Variants in WDPCP observed in about 807,000 individuals in gnomAD.
The protein encoded by WDPCP is WD repeat containing planar cell polarity effector.
Under a neutral mutation model 93.1 loss-of-function variants are expected in WDPCP, and 71 were observed. The ratio of observed to expected loss-of-function variants is 0.76; its 90% CI spans 0.63 to 0.93. The LOEUF is 0.93. Among genes scored for constraint, WDPCP ranks in the 40% least tolerant of loss-of-function variants. WDPCP has a pLI of 0.00. For missense variants in WDPCP, 844 were observed against 887.4 expected, an observed-to-expected ratio of 0.95 and a Z score of 0.62; for synonymous variants, 315 against 315.0, an observed-to-expected ratio of 1.00 and a Z score of 0.00.
intron 14 of WDPCP, among the ~76,000 whole-genome samples, chr2:63,253,347 A>G (rs968177556): frequency 2.0e-5 from 3 of 152,128 alleles, no homozygotes; most frequent in Non-Finnish European, 2.9e-5. Context: ...ATGATTAAGT[A>G]AGTCCTCAAA....
intron 10 of WDPCP, among the ~76,000 whole-genome samples, chr2:63,382,473 T>C (rs1181688609): frequency 6.6e-6 from 1 of 152,174 alleles, no homozygotes; most frequent in African/African-American, 2.4e-5. Context: ...GCTTGTTTTA[T>C]GTAATTTTTT....
intron 1 of WDPCP, among the ~76,000 whole-genome samples, chr2:63,543,915 A>G (rs942416531): frequency 6.6e-6 from 1 of 151,928 alleles, no homozygotes; most frequent in Non-Finnish European, 1.5e-5. Flanking sequence ...TTGTTGTCGT[A>G]TTTTCTTTTA....
chr2:63,290,588 T>G (rs1422954616), intron 13 of WDPCP, among the ~76,000 whole-genome samples: 1 of 152,140 alleles, frequency 6.6e-6, no homozygotes, highest in African/African-American at 2.4e-5. Flanking sequence ...CCTTCAGCTT[T>G]TCTAGTAGTG....
Position 63,404,630 on chromosome 2 carries a change from C to A in WDPCP, c.853G>T (p.Asp285Tyr). Reference protein sequence around the residue: ...EVLSSVRTEWDPLDVRFGTKQ... With the variant: ...EVLSSVRTEWYPLDVRFGTKQ... ...GTGCCAAAGCGAACATCCAGTGGGT[C>A]CCATTCTGTGCGGACAGAACTCAGA... Residue 285 changes from aspartate (D) to tyrosine (Y), a missense_variant, in exon 10 of 18, where the codon GAC (aspartate) becomes TAC (tyrosine). Coordinates refer to ENST00000272321, the MANE Select transcript of WDPCP (RefSeq NM_015910.7). 1 of 1,614,050 alleles carries A rather than the reference C, an allele frequency of 6.2e-7. No homozygotes were observed. The highest frequency in any genetic ancestry group is 8.5e-7 in the Non-Finnish European group (1 of 1,179,956).
intron 13 of WDPCP, among the ~76,000 whole-genome samples, chr2:63,278,192 T>C (rs1269147377): frequency 6.6e-6 from 1 of 152,178 alleles, no homozygotes; most frequent in African/African-American, 2.4e-5. Flanking sequence ...AAGATGGAAA[T>C]TTAAAAATTC....
At chr2:63,826,525 T>C (rs1248341780) in intron 1 of WDPCP, among the ~76,000 whole-genome samples, 1 of 152,282 alleles carries the variant, frequency 6.6e-6, no homozygotes, top group East Asian at 1.9e-4. Context: ...ACAGACACAC[T>C]AGTGGTGTAA....
At chr2:63,127,694 T>TATATATAC (rs1444625178) in intron 17 of WDPCP, among the ~76,000 whole-genome samples, 2 of 130,918 alleles carry the variant, frequency 1.5e-5, no homozygotes, top group Non-Finnish European at 3.3e-5. Flanking sequence ...TATATATATA[T>TATATATAC]ACGCACACAC....
At chr2:63,547,617 T>C (rs1345167400) in intron 1 of WDPCP, among the ~76,000 whole-genome samples, 1 of 151,424 alleles carries the variant, frequency 6.6e-6, no homozygotes, top group African/African-American at 2.4e-5. Flanking sequence ...TATTCAGCCA[T>C]TATAAAGAAC....
upstream of WDPCP, chr2:63,589,204 C>T (rs969172483): frequency 6.3e-6 from 10 of 1,587,518 alleles, no homozygotes; most frequent in Non-Finnish European, 8.6e-6. Flanking sequence ...GCCGCAGTGA[C>T]CCAGTAATGG....
chr2:63,544,481 T>G (rs1558784575), intron 1 of WDPCP, among the ~76,000 whole-genome samples: 2 of 152,184 alleles, frequency 1.3e-5, no homozygotes, highest in Admixed American at 1.3e-4. Flanking sequence ...TTCAAATGTG[T>G]TCAAACTGAT....
At chr2:63,256,547 A>G (rs1406997342) in intron 14 of WDPCP, among the ~76,000 whole-genome samples, 1 of 150,756 alleles carries the variant, frequency 6.6e-6, no homozygotes, top group Non-Finnish European at 1.5e-5. Context: ...AGTAGCTACT[A>G]AGGCTGCATA....
intron 3 of WDPCP, chr2:63,642,337 G>A (rs916654276): frequency 6.6e-6 from 1 of 151,838 alleles, no homozygotes; most frequent in African/African-American, 2.4e-5. Flanking sequence ...TGTTGTTTCT[G>A]TTTTTGCGAA....
chr2:63,829,414 G>A (rs1671161139), upstream of WDPCP, among the ~76,000 whole-genome samples: 1 of 151,982 alleles, frequency 6.6e-6, no homozygotes, highest in Non-Finnish European at 1.5e-5. Context: ...CGCACGCACT[G>A]CACTGCCACT....
intron 14 of WDPCP, among the ~76,000 whole-genome samples, chr2:63,224,233 A>T (rs1678082455): frequency 6.6e-6 from 1 of 152,076 alleles, no homozygotes; most frequent in African/African-American, 2.4e-5. Flanking sequence ...GCCAAAATCT[A>T]GCACACTCAT....
intron 6 of WDPCP, among the ~76,000 whole-genome samples, chr2:63,478,643 A>G (rs1376492186): frequency 6.6e-6 from 1 of 152,066 alleles, no homozygotes; most frequent in African/African-American, 2.4e-5. Context: ...CATAATAGTG[A>G]CTCAGCCTAT....
intron 9 of WDPCP, among the ~76,000 whole-genome samples, chr2:63,429,537 G>T (rs1696568521): frequency 6.6e-6 from 1 of 151,990 alleles, no homozygotes; most frequent in Admixed American, 6.6e-5. Flanking sequence ...CAAAGGACAT[G>T]AATTTCTCAA....
intron 17 of WDPCP, among the ~76,000 whole-genome samples, chr2:63,125,891 G>A (rs1158046430): frequency 4.7e-5 from 7 of 149,946 alleles, no homozygotes; most frequent in South Asian, 4.2e-4. Context: ...GATTACAGGC[G>A]TGAGCCACCT....
At chr2:63,134,247 T>C (rs1157875330) in intron 17 of WDPCP, among the ~76,000 whole-genome samples, 1 of 152,230 alleles carries the variant, frequency 6.6e-6, no homozygotes, top group Non-Finnish European at 1.5e-5. Context: ...TAGAATGTAA[T>C]TTCTCTGTAG....
chr2:63,376,053 A>G (rs1691830451), intron 12 of WDPCP, among the ~76,000 whole-genome samples: 1 of 151,972 alleles, frequency 6.6e-6, no homozygotes, highest in Non-Finnish European at 1.5e-5. Context: ...TCACAAATAC[A>G]AAAAGGTATT....
Sources: gnomAD v4.1 joint callset for allele counts (sites outside exome capture counted in the v4.1 genomes callset) on GRCh38, gnomAD v4.1.1 for gene constraint, MANE v1.5 for transcripts, NCBI Gene and HGNC (gene_info 2026-07-23, HGNC 2026-07-21) for gene names.